PPP1CB: variants seen among roughly 807,000 people sequenced by gnomAD.
PPP1CB encodes the protein protein phosphatase 1 catalytic subunit beta.
A neutral mutation model predicts 43.7 loss-of-function variants in PPP1CB; 2 were observed. The ratio of observed to expected loss-of-function variants is 0.05; its 90% CI spans 0.02 to 0.14. PPP1CB has a LOEUF of 0.14. Among genes scored for constraint, PPP1CB ranks in the 10% least tolerant of loss-of-function variants. The pLI is 1.00. For synonymous variants in PPP1CB, 136 were observed against 135.6 expected, an observed-to-expected ratio of 1.00 and a Z score of -0.02; for missense variants, 84 against 398.0, an observed-to-expected ratio of 0.21 and a Z score of 6.71.
intron 1 of PPP1CB, among the ~76,000 whole-genome samples, chr2:28,754,005 G>C (rs1057203189): frequency 6.6e-6 from 1 of 152,004 alleles, no homozygotes; most frequent in African/African-American, 2.4e-5. Flanking sequence ...CAAAGGGCTG[G>C]GATTACAGGC....
Position 28,767,091 on chromosome 2 carries a change from A to G in PPP1CB, c.53-9760A>G, listed in dbSNP as rs185469919. Among the ~76,000 whole-genome samples the G allele has an allele frequency of 4.6e-3, 696 of 152,234 alleles. 12 individuals are homozygous for G. Among genetic ancestry groups the G allele is most frequent in the Non-Finnish European group, 5.1e-3 (348 of 68,034 alleles). The stretch of plus-strand genomic sequence containing the variant: ...GCAAGACTCCATCTCAAAAAAAAAA[A>G]AAAGTTTATTGTCTCAAAAAATACA... On this transcript the variant is annotated intron_variant, in intron 1 of 7. Coordinates refer to ENST00000395366, the MANE Select transcript of PPP1CB (RefSeq NM_002709.3).
Position 28,779,063 on chromosome 2 carries a change from A to C in PPP1CB, c.415+24A>C, listed in dbSNP as rs754175797. ...ATGTAAGTGAAAATAAAGACTTAGA[A>C]AAGTAATTCATGGAAACATTGCCTA... is the stretch of plus-strand genomic sequence containing the variant. On this transcript the variant is annotated intron_variant, in intron 3 of 7. Transcript: ENST00000395366. 4 of 1,482,982 alleles carry C rather than the reference A, an allele frequency of 2.7e-6. No homozygotes were observed. In the Admixed American group the frequency reaches 7.3e-5, roughly 27 times the overall value. 91.9% of individuals were successfully genotyped at this position (1,482,982 alleles called of 1,614,324 possible). A position where few individuals can be genotyped will look rare whatever the true frequency, so the allele number is the denominator to read the frequency against.
intron 6 of PPP1CB, among the ~76,000 whole-genome samples, chr2:28,790,617 G>A (rs1026308026): frequency 1.3e-5 from 2 of 152,200 alleles, no homozygotes; most frequent in Non-Finnish European, 1.5e-5. Flanking sequence ...TGGGATTACA[G>A]GTGTGAGCCA....
intron 1 of PPP1CB, among the ~76,000 whole-genome samples, chr2:28,775,332 C>T (rs2148047820): frequency 6.6e-6 from 1 of 152,278 alleles, no homozygotes; most frequent in East Asian, 1.9e-4. Context: ...CGATCTTGCG[C>T]TCCTGAGCTC....
intron 1 of PPP1CB, among the ~76,000 whole-genome samples, chr2:28,753,136 C>A (rs1666372904): frequency 6.6e-6 from 1 of 152,308 alleles, no homozygotes; most frequent in East Asian, 1.9e-4. Flanking sequence ...AGTCCCTCTA[C>A]CCTAAAGTTT....
chr2:28,786,555 C>T (rs1667268890), intron 5 of PPP1CB, among the ~76,000 whole-genome samples: 1 of 151,904 alleles, frequency 6.6e-6, no homozygotes, highest in South Asian at 2.1e-4. Flanking sequence ...TTTATTGTCT[C>T]ACTGAAATTA....
At chr2:28,798,053 C>A (rs908846100) in intron 7 of PPP1CB, among the ~76,000 whole-genome samples, 1 of 152,150 alleles carries the variant, frequency 6.6e-6, no homozygotes, top group African/African-American at 2.4e-5. Flanking sequence ...CATACCTTAT[C>A]CTTCCAGCAG....
intron 1 of PPP1CB, among the ~76,000 whole-genome samples, chr2:28,772,642 T>C (rs1258308381): frequency 2.6e-5 from 4 of 152,238 alleles, no homozygotes; most frequent in Middle Eastern, 3.2e-3. Flanking sequence ...TATTGTCATA[T>C]GTTCATAGAA....
intron 3 of PPP1CB, among the ~76,000 whole-genome samples, chr2:28,780,084 CTTTTTTTTTTTTTT>C (rs10559224): frequency 7.6e-6 from 1 of 131,796 alleles, no homozygotes; most frequent in Non-Finnish European, 1.6e-5. Flanking sequence ...TCTTTTCTTT[CTTTTTTTTTTTTTT>C]TTTTTTTGAG....
intron 6 of PPP1CB, among the ~76,000 whole-genome samples, chr2:28,790,447 C>T (rs1667363082): frequency 6.6e-6 from 1 of 152,136 alleles, no homozygotes; most frequent in African/African-American, 2.4e-5. Flanking sequence ...TCAAGTGATT[C>T]TCCTGCCTCA....
At chr2:28,765,709 C>T (rs985403829) in intron 1 of PPP1CB, among the ~76,000 whole-genome samples, 2 of 152,040 alleles carry the variant, frequency 1.3e-5, no homozygotes. Context: ...TTGAGTTCAG[C>T]AGTTTGAGAC....
intron 1 of PPP1CB, among the ~76,000 whole-genome samples, chr2:28,773,367 T>A (rs1200135440): frequency 2.0e-5 from 3 of 152,178 alleles, no homozygotes; most frequent in Non-Finnish European, 4.4e-5. Context: ...TAAGTCTGAA[T>A]CCCTCTCTGC....
intron 1 of PPP1CB, among the ~76,000 whole-genome samples, chr2:28,768,412 T>C (rs1666829861): frequency 1.3e-5 from 2 of 152,136 alleles, no homozygotes; most frequent in African/African-American, 2.4e-5. Context: ...TCTAAAGTCA[T>C]TGACTGACTT....
intron 1 of PPP1CB, among the ~76,000 whole-genome samples, chr2:28,764,741 G>A (rs778842106): frequency 1.9e-4 from 29 of 151,950 alleles, no homozygotes; most frequent in Non-Finnish European, 3.2e-4. Flanking sequence ...GGCACATGGC[G>A]AAACCCCGTC....
chr2:28,771,055 C>CCCCCCCCCTT (rs1558302176), intron 1 of PPP1CB, among the ~76,000 whole-genome samples: 2 of 59,600 alleles, frequency 3.4e-5, no homozygotes, highest in Non-Finnish European at 6.4e-5. Context: ...CCCCCCCACC[C>CCCCCCCCCTT]TTTTTTTTTT....
In PPP1CB at chr2:28,781,717, TTCTA is replaced by T. The variant is rs1489414431; in HGVS notation, c.416-17_416-14del. 6.6e-7 allele frequency: 1 copy of T among 1,510,122 alleles called. No homozygotes were observed. The highest frequency in any genetic ancestry group is 1.4e-5 in the African/African-American group (1 of 71,842). 93.5% of individuals were successfully genotyped at this position (1,510,122 alleles called of 1,614,324 possible). ...GAACAGTTTTAGATTTTTTAATTTA[TTCTA>T]TCTGTTCTTTTTACAGGCAAACGAA... On this transcript the variant is annotated splice_polypyrimidine_tract_variant and intron_variant, in intron 3 of 7. Coordinates refer to ENST00000395366, the MANE Select transcript of PPP1CB (RefSeq NM_002709.3).
chr2:28,788,677 A>C lies in PPP1CB; in HGVS notation c.612A>C (p.Leu204=), dbSNP rs190433160. 1.9e-6 allele frequency: 3 copies of C among 1,613,086 alleles called. No individual in the cohort carries two copies. The highest frequency in any genetic ancestry group is 1.7e-6 in the Non-Finnish European group (2 of 1,179,730). The part of the protein sequence containing the change: ...VPDTGLLCDL[L]WSDPDKDVQG... ...TTAAAGGTTTGCTCTGTGATTTGCT[A>C]TGGTCTGATCCAGATAAGGATGTGC... Residue 204 remains leucine (L), a synonymous_variant, in exon 6 of 8, where the codon CTA becomes CTC. Transcript: ENST00000395366.
At chr2:28,796,021 T>C (rs1572472127) in intron 7 of PPP1CB, among the ~76,000 whole-genome samples, 2 of 152,324 alleles carry the variant, frequency 1.3e-5, no homozygotes, top group African/African-American at 4.8e-5. Context: ...TAGCCAGTTA[T>C]CTTAGCACCA....
chr2:28,788,526 C>T, intron 5 of PPP1CB, 132 bp from the exon 6 acceptor site: 1 of 957,200 alleles, frequency 1.0e-6, no homozygotes, highest in Non-Finnish European at 1.6e-6. Context: ...GGCTGGAATA[C>T]TTAGGCAAGT....
Sources: gnomAD v4.1 joint callset for allele counts (sites outside exome capture counted in the v4.1 genomes callset) on GRCh38, gnomAD v4.1.1 for gene constraint, MANE v1.5 for transcripts, NCBI Gene and HGNC (gene_info 2026-07-23, HGNC 2026-07-21) for gene names.